Variants in RERE observed in about 807,000 individuals in gnomAD.
The protein encoded by RERE is arginine-glutamic acid dipeptide repeats, also known as arginine-glutamic acid dipeptide repeats protein.
RERE carries 40 observed loss-of-function variants against 146.1 expected under a neutral mutation model. That is an observed-to-expected ratio of 0.27 (90% confidence interval 0.21 to 0.36). RERE has a LOEUF of 0.36. RERE is among the 10% of genes least tolerant of loss of function. The probability of loss-of-function intolerance (pLI) is 1.00; values close to 1 mark genes in which losing one functional copy is unlikely to be tolerated. For missense variants in RERE, 1,933 were observed against 2,138.7 expected, an observed-to-expected ratio of 0.90 and a Z score of 1.90; for synonymous variants, 1,003 against 866.0, an observed-to-expected ratio of 1.16 and a Z score of -2.78.
At chr1:8,418,634 TGATATGTCCTCA>T (rs1643842248) in intron 12 of RERE, among the ~76,000 whole-genome samples, 1 of 152,238 alleles carries the variant, frequency 6.6e-6, no homozygotes, top group Non-Finnish European at 1.5e-5. Flanking sequence ...TTCAAATAAC[TGATATGTCCTCA>T]GAGAAGAGAT....
intron 15 of RERE, 56 bp from the exon 16 acceptor site, chr1:8,362,900 C>G (rs1047634160): frequency 6.0e-5 from 93 of 1,561,630 alleles, no homozygotes; most frequent in Non-Finnish European, 7.7e-5. Flanking sequence ...CATGTGGACC[C>G]ACCTGAGCCC....
intron 2 of RERE, among the ~76,000 whole-genome samples, chr1:8,628,411 C>T (rs1444184522): frequency 6.6e-6 from 1 of 152,070 alleles, no homozygotes; most frequent in African/African-American, 2.4e-5. Flanking sequence ...GAAAAAAATA[C>T]ACTGCTTTGA....
At chr1:8,749,632 C>A (rs1012186853) in intron 1 of RERE, among the ~76,000 whole-genome samples, 17 of 152,080 alleles carry the variant, frequency 1.1e-4, no homozygotes, top group African/African-American at 4.1e-4. Flanking sequence ...CCTAAAACAA[C>A]AGAAAGGACA....
At chr1:8,387,330 T>G (rs992129152) in intron 12 of RERE, among the ~76,000 whole-genome samples, 1 of 152,172 alleles carries the variant, frequency 6.6e-6, no homozygotes, top group Admixed American at 6.5e-5. Flanking sequence ...ACCCACGGAC[T>G]AAGAACTTAA....
chr1:8,805,012 T>G (rs1404088358), intron 1 of RERE, among the ~76,000 whole-genome samples: 9 of 139,654 alleles, frequency 6.4e-5, no homozygotes, highest in African/African-American at 1.6e-4. Flanking sequence ...TTTTTGGTTT[T>G]TTTTTTTTTT....
intron 2 of RERE, among the ~76,000 whole-genome samples, chr1:8,635,026 C>T (rs760125671): frequency 2.0e-5 from 3 of 152,186 alleles, no homozygotes; most frequent in Non-Finnish European, 2.9e-5. Flanking sequence ...TGAGCCACCG[C>T]GCCTGGCCTG....
intron 4 of RERE, among the ~76,000 whole-genome samples, chr1:8,607,946 G>A (rs1191895278): frequency 6.6e-6 from 1 of 152,060 alleles, no homozygotes; most frequent in Admixed American, 6.6e-5. Flanking sequence ...GGTTGGCCTC[G>A]AACTCCTGAC....
intron 1 of RERE, among the ~76,000 whole-genome samples, chr1:8,787,595 C>G (rs893070460): frequency 2.2e-4 from 34 of 151,906 alleles, no homozygotes; most frequent in Admixed American, 1.8e-3. Context: ...TTGGGGGAGG[C>G]CAAGGCAGGC....
At chr1:8,384,620 T>G (rs1359098281) in intron 12 of RERE, among the ~76,000 whole-genome samples, 2 of 152,208 alleles carry the variant, frequency 1.3e-5, no homozygotes, top group African/African-American at 4.8e-5. Context: ...ACTTAAAAAG[T>G]CTTGTCACAT....
At chr1:8,438,090 C>T (rs949009649) in intron 11 of RERE, among the ~76,000 whole-genome samples, 1 of 152,218 alleles carries the variant, frequency 6.6e-6, no homozygotes, top group African/African-American at 2.4e-5. Flanking sequence ...AAATGATCCT[C>T]CTGGCTCGGC....
chr1:8,630,810 C>G (rs567262183), intron 2 of RERE, among the ~76,000 whole-genome samples: 1 of 152,294 alleles, frequency 6.6e-6, no homozygotes, highest in East Asian at 1.9e-4. Context: ...ATAAATGAAG[C>G]CTTCCCAGTC....
chr1:8,791,300 G>A (rs1394196444), intron 1 of RERE, among the ~76,000 whole-genome samples: 4 of 152,178 alleles, frequency 2.6e-5, no homozygotes, highest in African/African-American at 9.7e-5. Flanking sequence ...TACATTGTTG[G>A]AGCATCATGT....
intron 1 of RERE, among the ~76,000 whole-genome samples, chr1:8,688,871 T>G (rs981275406): frequency 1.3e-5 from 2 of 152,264 alleles, no homozygotes; most frequent in Non-Finnish European, 2.9e-5. Context: ...CTATGGATTT[T>G]GGTAGATTAG....
intron 1 of RERE, among the ~76,000 whole-genome samples, chr1:8,750,150 C>CAAAAAAAA (rs3045405): frequency 3.1e-4 from 30 of 96,356 alleles, no homozygotes; most frequent in Middle Eastern, 6.3e-3. Flanking sequence ...GCCTCTGTCT[C>CAAAAAAAA]AAAAAAAAAA....
intron 1 of RERE, among the ~76,000 whole-genome samples, chr1:8,680,881 C>G (rs1006055896): frequency 6.6e-6 from 1 of 152,140 alleles, no homozygotes; most frequent in African/African-American, 2.4e-5. Flanking sequence ...GGTAAACATA[C>G]AAAGGACTGA....
chr1:8,801,272 TC>T (rs1641587291), intron 1 of RERE, among the ~76,000 whole-genome samples: 2 of 73,874 alleles, frequency 2.7e-5, no homozygotes, highest in South Asian at 8.2e-4. Context: ...AAAAAATTGT[TC>T]TTTTTTTTTT....
At chr1:8,501,231 C>T (rs1252847717) in intron 8 of RERE, among the ~76,000 whole-genome samples, 4 of 120,252 alleles carry the variant, frequency 3.3e-5, no homozygotes, top group Non-Finnish European at 3.5e-5. Flanking sequence ...CCCGCCCGGC[C>T]GGCCGCCCCG....
intron 1 of RERE, among the ~76,000 whole-genome samples, chr1:8,776,697 A>G (rs1489802506): frequency 6.6e-6 from 1 of 152,068 alleles, no homozygotes; most frequent in Admixed American, 6.6e-5. Context: ...TCAATGTTTC[A>G]ACTTCCCCTT....
At chr1:8,535,045 G>T (rs189742322) in intron 7 of RERE, among the ~76,000 whole-genome samples, 1 of 151,918 alleles carries the variant, frequency 6.6e-6, no homozygotes, top group Non-Finnish European at 1.5e-5. Flanking sequence ...ATCACTGAGG[G>T]GGGAGGGAGG....
Sources: allele counts gnomAD v4.1 joint callset (sites outside exome capture counted in the v4.1 genomes callset), GRCh38; gene constraint gnomAD v4.1.1; transcripts MANE v1.5; gene names NCBI Gene and HGNC (gene_info 2026-07-23, HGNC 2026-07-21).